Variants in SLC25A40 observed in about 807,000 individuals in gnomAD.
SLC25A40 encodes mitochondrial glutathione transporter SLC25A40.
In SLC25A40, 41 loss-of-function variants were observed where a neutral mutation model predicts 46.5. The ratio of observed to expected loss-of-function variants is 0.88; its 90% confidence interval spans 0.69 to 1.14. SLC25A40 has a LOEUF of 1.14. SLC25A40 is among the 50% of genes most tolerant of loss of function. The pLI is 0.00. For synonymous variants in SLC25A40, 126 were observed against 127.5 expected (o/e 0.99, Z 0.08); for missense variants, 386 against 393.6 (o/e 0.98, Z 0.16).
At chr7:87,871,592 C>T (rs756240766) in intron 1 of SLC25A40, among the ~76,000 whole-genome samples, 5 of 152,220 alleles carry the variant, frequency 3.3e-5, no homozygotes, top group Non-Finnish European at 5.9e-5. Context: ...TGAGATGATA[C>T]ATACGGTTTT....
Position 87,841,710 on chromosome 7 carries a change from G to T in SLC25A40, c.746C>A (p.Ala249Asp). 6.6e-7 allele frequency: 1 copy of T among 1,511,710 alleles called. No homozygotes were observed. The highest frequency in any genetic ancestry group is 2.0e-5 in the Admixed American group (1 of 50,744). The allele number at this position is 1,511,710 out of a possible 1,614,324, so 93.6% of individuals were successfully genotyped here. The change falls in exon 10 of 12, where the codon GCT becomes GAT. Residue 249 changes from alanine to aspartate, a missense_variant. By Grantham distance (126) the Ala-to-Asp change is moderately radical. Transcript: ENST00000341119. ...ATCAAATGGTAAAGTTGCAACAGCA[G>T]CAAACTATCAGAAAGTAAAATTGAT... ...FTSGALSGSF[A>D]AVATLPFDVV...
At position 87,846,957 on chromosome 7, in the gene SLC25A40, G is replaced by A. The variant is rs775550958; in HGVS notation, c.623C>T (p.Pro208Leu). Reference sequence around the variant, plus strand: ...AATAAGATAAATCCTACCTGAGAAAGGTACATCTCTAAGAACAGTAGGAGC... The same window carrying A: ...AATAAGATAAATCCTACCTGAGAAAAGTACATCTCTAAGAACAGTAGGAGC... Reference protein sequence around the residue: ...GWAPTVLRDVPFSAMYWYNYE... With the variant: ...GWAPTVLRDVLFSAMYWYNYE... The change falls in exon 8 of 12, where the codon CCT (proline) becomes CTT (leucine). Residue 208 changes from proline to leucine, a missense_variant. Pro to Leu is a moderately conservative substitution (Grantham distance 98). Coordinates refer to ENST00000341119, the MANE Select transcript of SLC25A40 (RefSeq NM_018843.4). The A allele has an allele frequency of 1.9e-6, 3 of 1,601,958 alleles. No individual in the cohort carries two copies. The highest frequency in any genetic ancestry group is 2.6e-6 in the Non-Finnish European group (3 of 1,175,584).
At chr7:87,857,433 G>A (rs1838631522) in intron 3 of SLC25A40, among the ~76,000 whole-genome samples, 1 of 152,148 alleles carries the variant, frequency 6.6e-6, no homozygotes, top group Non-Finnish European at 1.5e-5. Flanking sequence ...GCAAAGCAAG[G>A]ACTCAAGTCT....
At position 87,876,301 on chromosome 7, in the gene SLC25A40, T is replaced by A. The variant is rs1258945707; in HGVS notation, c.-299A>T. ...GTCTGAGACTGAGAGAGCAACGGAA[T>A]GGAGGCGGGGTAGAGGCGGAAACAC... is the stretch of plus-strand genomic sequence containing the variant. On this transcript the variant is annotated 5_prime_UTR_variant, in exon 1 of 12. Coordinates refer to ENST00000341119, the MANE Select transcript of SLC25A40 (RefSeq NM_018843.4). 1 of 159,700 alleles carries A rather than the reference T, an allele frequency of 6.3e-6. No individual in the cohort carries two copies. Among genetic ancestry groups the A allele is most frequent in the East Asian group, 1.8e-4 (1 of 5,406 alleles). 9.9% of individuals were successfully genotyped at this position (159,700 alleles called of 1,614,324 possible). A position where few individuals can be genotyped will look rare whatever the true frequency, so the allele number is the denominator to read the frequency against.
At chr7:87,873,561 T>C (rs1318943386) in intron 1 of SLC25A40, among the ~76,000 whole-genome samples, 1 of 151,696 alleles carries the variant, frequency 6.6e-6, no homozygotes, top group Non-Finnish European at 1.5e-5. Context: ...GCCTCCTGAG[T>C]AGCTGGGGTT....
At chr7:87,843,893 T>C (rs776363998) in intron 8 of SLC25A40, 30 bp from the exon 9 acceptor site, 3 of 1,507,918 alleles carry the variant, frequency 2.0e-6, no homozygotes, top group African/African-American at 1.4e-5. Context: ...AATGAACACA[T>C]ATTTAGAAAT....
In SLC25A40 at chr7:87,875,079, T is replaced by G. The variant is rs74371187; in HGVS notation, c.-94+1017A>C. Among the ~76,000 whole-genome samples, 114 of 152,372 alleles carry G rather than the reference T, an allele frequency of 7.5e-4. 2 individuals are homozygous for G. In the East Asian group the frequency reaches 0.021, roughly 28 times the overall value. ...CAATATTGAATATGTTTGTTCAAAC[T>G]ACACTTCCTTCCACCACTCAAGATC... On this transcript the variant is annotated intron_variant, in intron 1 of 11. Coordinates refer to ENST00000341119, the MANE Select transcript of SLC25A40 (RefSeq NM_018843.4).
intron 2 of SLC25A40, among the ~76,000 whole-genome samples, 153 bp from the exon 3 acceptor site, chr7:87,858,904 C>CT (rs1412295156): frequency 1.3e-5 from 2 of 151,994 alleles, no homozygotes; most frequent in Non-Finnish European, 2.9e-5. Flanking sequence ...AGCAGGTGAC[C>CT]ACTAAGTCTG....
chr7:87,841,155 GTGTGTATA>G (rs1488861063), intron 10 of SLC25A40, among the ~76,000 whole-genome samples: 117 of 148,172 alleles, frequency 7.9e-4, no homozygotes, highest in African/African-American at 2.9e-3. Context: ...GTGTGTGTGT[GTGTGTATA>G]TATATATATA....
At chr7:87,873,531 C>A (rs369051944) in intron 1 of SLC25A40, among the ~76,000 whole-genome samples, 1 of 147,902 alleles carries the variant, frequency 6.8e-6, no homozygotes, top group Non-Finnish European at 1.5e-5. Flanking sequence ...CTTCTGGGTT[C>A]AAGTGATTCT....
rs116489570 is a variant in SLC25A40, at chr7:87,863,968, G to A, written c.-93-3328C>T. Among the ~76,000 whole-genome samples, 754 of 152,088 alleles carry A rather than the reference G, an allele frequency of 5.0e-3. 7 individuals carry two copies. Among genetic ancestry groups the A allele is most frequent in the African/African-American group, 0.017 (718 of 41,464 alleles). ...ATGTGATGTTTGTCTTTCTCTGTCCGGCTTATTTCAATTAACATAAGGATT... is the reference window on the plus strand; with the variant it reads ...ATGTGATGTTTGTCTTTCTCTGTCCAGCTTATTTCAATTAACATAAGGATT... On this transcript the variant is annotated intron_variant, in intron 1 of 11. Transcript: ENST00000341119.
intron 10 of SLC25A40, among the ~76,000 whole-genome samples, chr7:87,838,214 A>C (rs1838283728): frequency 6.6e-6 from 1 of 151,536 alleles, no homozygotes; most frequent in South Asian, 2.1e-4. Context: ...AATGACAAGA[A>C]CTAAGTTGGC....
At chr7:87,844,094 T>A in intron 8 of SLC25A40, 1 of 605,422 alleles carries the variant, frequency 1.7e-6, no homozygotes, top group Non-Finnish European at 2.1e-6. Flanking sequence ...AGTAGGACTA[T>A]AATTCCAAAA....
At chr7:87,842,411 A>C (rs888429204) in intron 9 of SLC25A40, 8 of 152,534 alleles carry the variant, frequency 5.2e-5, no homozygotes, top group African/African-American at 1.7e-4. Flanking sequence ...TATTTGATAC[A>C]ACAGCCATGC....
intron 1 of SLC25A40, among the ~76,000 whole-genome samples, chr7:87,868,666 G>A (rs1241476817): frequency 2.0e-5 from 3 of 152,180 alleles, no homozygotes; most frequent in African/African-American, 4.8e-5. Context: ...GAAATGTACA[G>A]GGCAAGGTAT....
intron 1 of SLC25A40, among the ~76,000 whole-genome samples, chr7:87,870,358 C>T (rs578037688): frequency 5.9e-5 from 9 of 152,070 alleles, no homozygotes; most frequent in African/African-American, 9.7e-5. Context: ...AATGATAAAA[C>T]GTCACTTTCA....
intron 4 of SLC25A40, among the ~76,000 whole-genome samples, chr7:87,855,448 A>T (rs1234216926): frequency 1.3e-5 from 2 of 152,190 alleles, no homozygotes; most frequent in Non-Finnish European, 2.9e-5. Context: ...CTAATGTAGT[A>T]CAACTTTCTC....
intron 2 of SLC25A40, among the ~76,000 whole-genome samples, chr7:87,859,417 G>A (rs1054187704): frequency 7.2e-5 from 11 of 151,932 alleles, no homozygotes; most frequent in Admixed American, 5.9e-4. Context: ...ACTCCAGCCT[G>A]GGCAACAGAG....
At chr7:87,836,393 TA>T (rs760581054) in intron 11 of SLC25A40, 32 bp from the exon 12 acceptor site, 6 of 1,321,748 alleles carry the variant, frequency 4.5e-6, no homozygotes, top group Non-Finnish European at 5.1e-6. Context: ...TCAAAACAAA[TA>T]TTTTTTTCTT....
Sources: allele counts gnomAD v4.1 joint callset (sites outside exome capture counted in the v4.1 genomes callset), GRCh38; gene constraint gnomAD v4.1.1; transcripts MANE v1.5; gene names NCBI Gene and HGNC (gene_info 2026-07-23, HGNC 2026-07-21).